The following BTF3L4 variants were observed in gnomAD, a reference collection of about 807,000 sequenced individuals.
The protein encoded by BTF3L4 is transcription factor BTF3 homolog 4.
In BTF3L4, 6 loss-of-function variants were observed where a neutral mutation model predicts 16.8. The ratio of observed to expected loss-of-function variants is 0.36; its 90% confidence interval spans 0.20 to 0.71. The LOEUF (loss-of-function observed/expected upper bound fraction) is 0.71, where lower values mean the gene tolerates loss of function less well. BTF3L4 is among the 30% of genes least tolerant of loss of function. The probability of loss-of-function intolerance (pLI) is 0.58; values close to 1 mark genes in which losing one functional copy is unlikely to be tolerated. For missense variants in BTF3L4, 92 were observed against 186.9 expected, an observed-to-expected ratio of 0.49 and a Z score of 2.96; for synonymous variants, 39 against 59.8, an observed-to-expected ratio of 0.65 and a Z score of 1.60.
intron 3 of BTF3L4, chr1:52,065,251 C>G (rs1467130031): frequency 6.1e-6 from 1 of 164,446 alleles, no homozygotes; most frequent in Non-Finnish European, 1.3e-5. Flanking sequence ...CCAACATTTC[C>G]TCAGATGAGA....
chr1:52,086,507 A>T (rs1643974132), intron 5 of BTF3L4: 1 of 495,474 alleles, frequency 2.0e-6, no homozygotes, highest in African/African-American at 2.0e-5. Context: ...CAAAAGATGA[A>T]CATTTCCTTA....
At chr1:52,062,011 A>T (rs192571512) in intron 2 of BTF3L4, among the ~76,000 whole-genome samples, 13 of 151,018 alleles carry the variant, frequency 8.6e-5, no homozygotes, top group African/African-American at 2.4e-4. Flanking sequence ...ATCTCAGCTC[A>T]CTGCAATCTC....
intron 2 of BTF3L4, among the ~76,000 whole-genome samples, chr1:52,063,870 C>T (rs1316802033): frequency 6.6e-6 from 1 of 152,216 alleles, no homozygotes; most frequent in Admixed American, 6.5e-5. Flanking sequence ...CCATATCCCT[C>T]ATCTCTGGCC....
At chr1:52,067,679 C>T (rs115689716) in intron 3 of BTF3L4, among the ~76,000 whole-genome samples, 280 of 152,268 alleles carry the variant, frequency 1.8e-3, no homozygotes, top group Non-Finnish European at 2.9e-3. Context: ...CAATAATACA[C>T]ATGAATTCTG....
chr1:52,059,968 T>C, intron 2 of BTF3L4, 67 bp downstream of exon 2: 1 of 1,426,128 alleles, frequency 7.0e-7, no homozygotes, highest in Non-Finnish European at 9.6e-7. Context: ...TTATTTCGGA[T>C]TTGTGGTCAT....
chr1:52,078,066 T>G (rs930225070), intron 3 of BTF3L4, among the ~76,000 whole-genome samples: 1 of 151,628 alleles, frequency 6.6e-6, no homozygotes, highest in African/African-American at 2.4e-5. Context: ...GACAATATCC[T>G]TTTTTTTCCT....
chr1:52,085,013 CTTTTT>C (rs764763479), intron 4 of BTF3L4, among the ~76,000 whole-genome samples: 14 of 58,530 alleles, frequency 2.4e-4, no homozygotes, highest in African/African-American at 8.8e-4. Context: ...TGAAAAAAAT[CTTTTT>C]TTTTTTTTTT....
At chr1:52,082,934 A>G (rs1643937369) in intron 3 of BTF3L4, among the ~76,000 whole-genome samples, 1 of 152,090 alleles carries the variant, frequency 6.6e-6, no homozygotes, top group African/African-American at 2.4e-5. Flanking sequence ...CAGTCCCCTA[A>G]GTAAGATGCT....
At chr1:52,084,446 T>C (rs1336615015) in intron 4 of BTF3L4, among the ~76,000 whole-genome samples, 5 of 151,848 alleles carry the variant, frequency 3.3e-5, no homozygotes. Flanking sequence ...GCTTGGCCCA[T>C]CATTTTAAAT....
chr1:52,056,623 C>T (rs144012261), intron 1 of BTF3L4, among the ~76,000 whole-genome samples: 201 of 152,372 alleles, frequency 1.3e-3, no homozygotes, highest in African/African-American at 4.5e-3. Flanking sequence ...GCCCTGTTGC[C>T]GCCCAGACCC....
At chr1:52,060,948 T>G (rs1486830972) in intron 2 of BTF3L4, among the ~76,000 whole-genome samples, 4 of 152,226 alleles carry the variant, frequency 2.6e-5, no homozygotes, top group Non-Finnish European at 5.9e-5. Flanking sequence ...ACATCGCCAT[T>G]GTGTATTTTA....
At chr1:52,059,779 AGTTT>A (rs1686463036) in intron 1 of BTF3L4, 52 bp from the exon 2 acceptor site, 1 of 1,514,234 alleles carries the variant, frequency 6.6e-7, no homozygotes, top group Non-Finnish European at 9.2e-7. Context: ...TTGCATAAAC[AGTTT>A]GTTAATTTCG....
At chr1:52,082,270 A>C (rs911587647) in intron 3 of BTF3L4, among the ~76,000 whole-genome samples, 1 of 152,228 alleles carries the variant, frequency 6.6e-6, no homozygotes, top group South Asian at 2.1e-4. Flanking sequence ...CAATGGATGA[A>C]ATCAAATCTG....
At chr1:52,078,056 GA>G (rs1328595325) in intron 3 of BTF3L4, among the ~76,000 whole-genome samples, 1 of 151,988 alleles carries the variant, frequency 6.6e-6, no homozygotes, top group Admixed American at 6.6e-5. Flanking sequence ...GAGTTGGTCT[GA>G]CAATATCCTT....
chr1:52,060,799 A>G (rs974010576), intron 2 of BTF3L4: 1 of 197,052 alleles, frequency 5.1e-6, no homozygotes, highest in Non-Finnish European at 9.7e-6. Flanking sequence ...TGATACAGTT[A>G]TATGAGTCTG....
At chr1:52,060,019 A>T in intron 2 of BTF3L4, 118 bp downstream of exon 2, 1 of 940,608 alleles carries the variant, frequency 1.1e-6, no homozygotes, top group Admixed American at 2.9e-5. Flanking sequence ...ATCAAACCAC[A>T]TTCCAATTTG....
At chr1:52,071,192 C>T (rs1686777040) in intron 3 of BTF3L4, 1 of 152,090 alleles carries the variant, frequency 6.6e-6, no homozygotes, top group Admixed American at 6.6e-5. Context: ...GAAGTGTAAC[C>T]AAAAAGCACT....
intron 3 of BTF3L4, among the ~76,000 whole-genome samples, chr1:52,070,755 A>C (rs561507065): frequency 1.6e-3 from 233 of 149,226 alleles, no homozygotes; most frequent in South Asian, 4.3e-3. Flanking sequence ...CTCATGCCTC[A>C]GCCTCCTGAG....
chr1:52,066,625 C>T (rs1373623025), intron 3 of BTF3L4, among the ~76,000 whole-genome samples: 3 of 147,644 alleles, frequency 2.0e-5, no homozygotes, highest in Non-Finnish European at 4.5e-5. Context: ...GGGTGGATCA[C>T]GAGGTCAGGG....
Sources: allele counts gnomAD v4.1 joint callset (sites outside exome capture counted in the v4.1 genomes callset), GRCh38; gene constraint gnomAD v4.1.1; transcripts MANE v1.5; gene names NCBI Gene and HGNC (gene_info 2026-07-23, HGNC 2026-07-21).